The following ARPP21 variants were observed in gnomAD, a reference collection of about 807,000 sequenced individuals.
ARPP21 encodes cAMP-regulated phosphoprotein 21.
Under a neutral mutation model 113.2 loss-of-function variants are expected in ARPP21, and 69 were observed. The observed-to-expected ratio is 0.61, with a 90% confidence interval of 0.50 to 0.74. The LOEUF (loss-of-function observed/expected upper bound fraction) is 0.74, where lower values mean the gene tolerates loss of function less well. Ranked by LOEUF, ARPP21 falls within the 30% of genes least tolerant of loss-of-function variation. The pLI, the probability that ARPP21 is intolerant of heterozygous loss-of-function variation, is 0.00. For missense variants in ARPP21, 1,070 were observed against 1,037.4 expected (o/e 1.03, Z -0.43); for synonymous variants, 368 against 375.5 (o/e 0.98, Z 0.23).
At chr3:35,686,978 C>T (rs996082313) in intron 5 of ARPP21, among the ~76,000 whole-genome samples, 1 of 151,256 alleles carries the variant, frequency 6.6e-6, no homozygotes, top group Non-Finnish European at 1.5e-5. Context: ...AATCAAACAT[C>T]ATTTCAAGAC....
intron 19 of ARPP21, among the ~76,000 whole-genome samples, chr3:35,749,873 T>C (rs531988475): frequency 4.6e-5 from 7 of 152,216 alleles, no homozygotes; most frequent in African/African-American, 1.7e-4. Flanking sequence ...TTCTTTACTA[T>C]CTTTTTGTAG....
intron 13 of ARPP21, among the ~76,000 whole-genome samples, chr3:35,720,975 G>T (rs1033778419): frequency 1.3e-5 from 2 of 152,086 alleles, no homozygotes; most frequent in African/African-American, 2.4e-5. Context: ...ATAATTAAAG[G>T]GTTCTTTCCT....
chr3:35,665,955 C>T (rs770013224), intron 1 of ARPP21, among the ~76,000 whole-genome samples: 9 of 151,892 alleles, frequency 5.9e-5, no homozygotes, highest in Admixed American at 5.2e-4. Context: ...TCTAAAACAC[C>T]CAGATCATTG....
chr3:35,733,509 T>C (rs767438808), intron 15 of ARPP21, among the ~76,000 whole-genome samples: 1 of 152,198 alleles, frequency 6.6e-6, no homozygotes, highest in African/African-American at 2.4e-5. Flanking sequence ...GAAAACCTCC[T>C]CTAGGCTAAC....
intron 14 of ARPP21, among the ~76,000 whole-genome samples, chr3:35,725,558 A>C (rs1401955634): frequency 6.6e-6 from 1 of 152,194 alleles, no homozygotes; most frequent in Non-Finnish European, 1.5e-5. Context: ...ATTAAAACCC[A>C]GTATCCTTCC....
At chr3:35,742,888 C>T (rs2094759993) in intron 18 of ARPP21, among the ~76,000 whole-genome samples, 1 of 152,074 alleles carries the variant, frequency 6.6e-6, no homozygotes, top group African/African-American at 2.4e-5. Flanking sequence ...AAATAATTAA[C>T]TAAGATCAGT....
chr3:35,704,078 G>C (rs1300627686), intron 9 of ARPP21, among the ~76,000 whole-genome samples: 2 of 151,686 alleles, frequency 1.3e-5, no homozygotes, highest in Non-Finnish European at 3.0e-5. Flanking sequence ...AATTTTATTA[G>C]ATTCACTTGA....
chr3:35,777,390 A>C, intron 19 of ARPP21, among the ~76,000 whole-genome samples: 1 of 152,216 alleles, frequency 6.6e-6, no homozygotes, highest in East Asian at 1.9e-4. Context: ...CAGAGATATC[A>C]GGCAACTTCC....
At position 35,711,511 on chromosome 3, in the gene ARPP21, A is replaced by G. The variant is rs139637173; in HGVS notation, c.897+2441A>G. On this transcript the variant is annotated intron_variant, in intron 11 of 20. Coordinates refer to ENST00000684406, the MANE Select transcript of ARPP21 (RefSeq NM_001385562.1). ...ATGTGTTAGCTATTTGTTGCCTTAT[A>G]ACAAAAAATTCCAAAATTTGGCAGC... is the stretch of plus-strand genomic sequence containing the variant. 4.3e-3 allele frequency among the ~76,000 whole-genome samples: 653 copies of G among 152,326 alleles called. 5 individuals carry two copies. The highest frequency in any genetic ancestry group is 7.9e-3 in the Non-Finnish European group (536 of 68,038).
At chr3:35,717,215 T>TCAATCAC (rs2092530415) in intron 12 of ARPP21, 83 bp from the exon 13 acceptor site, 1 of 768,660 alleles carries the variant, frequency 1.3e-6, no homozygotes, top group South Asian at 1.5e-5. Context: ...ATTTGTGCTG[T>TCAATCAC]AGTAGAGTAC....
At position 35,794,155 on chromosome 3, in the gene ARPP21, G is replaced by T; in HGVS notation, c.*197G>T. Reference sequence around the variant, plus strand: ...GTGCATATTTCTGTCATGTCTGCTAGGTATGCCTTTATAGCTTAGCTAGTG... The same window carrying T: ...GTGCATATTTCTGTCATGTCTGCTATGTATGCCTTTATAGCTTAGCTAGTG... On this transcript the variant is annotated 3_prime_UTR_variant, in exon 21 of 21. Transcript: ENST00000684406. 1.6e-6 allele frequency: 1 copy of T among 607,206 alleles called. No homozygotes were observed. The highest frequency in any genetic ancestry group is 2.0e-5 in the South Asian group (1 of 49,554). The allele number at this position is 607,206 out of a possible 1,614,324, so 37.6% of individuals were successfully genotyped here.
chr3:35,792,907 C>G (rs2096774447), intron 20 of ARPP21, among the ~76,000 whole-genome samples: 1 of 152,166 alleles, frequency 6.6e-6, no homozygotes, highest in Admixed American at 6.5e-5. Context: ...CTTCATTTTT[C>G]CATAACTTTA....
chr3:35,708,376 G>A (rs937933993), intron 10 of ARPP21, among the ~76,000 whole-genome samples: 9 of 152,176 alleles, frequency 5.9e-5, no homozygotes, highest in Admixed American at 2.0e-4. Context: ...TTAAAATTTA[G>A]CCTGTAAACC....
intron 6 of ARPP21, 127 bp from the exon 7 acceptor site, chr3:35,689,180 A>AT: frequency 3.0e-6 from 2 of 666,908 alleles, no homozygotes; most frequent in South Asian, 3.5e-5. Context: ...TGAAACATGT[A>AT]TTTTTATACC....
At chr3:35,655,053 A>G (rs1468145220) in intron 1 of ARPP21, among the ~76,000 whole-genome samples, 1 of 151,904 alleles carries the variant, frequency 6.6e-6, no homozygotes, top group East Asian at 1.9e-4. Flanking sequence ...ATATCAATAT[A>G]TTTTACATTA....
At chr3:35,759,358 C>T (rs1360524201) in intron 19 of ARPP21, among the ~76,000 whole-genome samples, 1 of 152,062 alleles carries the variant, frequency 6.6e-6, no homozygotes, top group Non-Finnish European at 1.5e-5. Flanking sequence ...TTTCCTGTAT[C>T]TTTTACTTAC....
At chr3:35,745,250 C>T (rs1028832601) in intron 19 of ARPP21, among the ~76,000 whole-genome samples, 1 of 152,128 alleles carries the variant, frequency 6.6e-6, no homozygotes. Flanking sequence ...AACGTTATTA[C>T]CTTTATCATT....
intron 19 of ARPP21, among the ~76,000 whole-genome samples, chr3:35,744,833 C>T (rs942041413): frequency 2.6e-5 from 4 of 152,322 alleles, no homozygotes; most frequent in African/African-American, 9.6e-5. Flanking sequence ...TATACAGATA[C>T]ATGTATGTAA....
intron 19 of ARPP21, among the ~76,000 whole-genome samples, chr3:35,786,936 G>C (rs1041895243): frequency 8.5e-5 from 13 of 152,154 alleles, no homozygotes; most frequent in Non-Finnish European, 1.8e-4. Flanking sequence ...ATATCAAGCT[G>C]TGTGTCTGTT....
Sources: gnomAD v4.1 joint callset for allele counts (sites outside exome capture counted in the v4.1 genomes callset) on GRCh38, gnomAD v4.1.1 for gene constraint, MANE v1.5 for transcripts, NCBI Gene and HGNC (gene_info 2026-07-23, HGNC 2026-07-21) for gene names.